Variants in SRPK2 observed in about 807,000 individuals in gnomAD.
The protein encoded by SRPK2 is SFRS protein kinase 2.
Under a neutral mutation model 90.8 loss-of-function variants are expected in SRPK2, and 21 were observed. The ratio of observed to expected loss-of-function variants is 0.23; its 90% CI spans 0.16 to 0.33. The LOEUF (loss-of-function observed/expected upper bound fraction) is 0.33, where lower values mean the gene tolerates loss of function less well. SRPK2 is among the 10% of genes least tolerant of loss of function. SRPK2 has a pLI of 1.00. For synonymous variants in SRPK2, 288 were observed against 311.1 expected, an observed-to-expected ratio of 0.93 and a Z score of 0.78; for missense variants, 620 against 869.0, an observed-to-expected ratio of 0.71 and a Z score of 3.60.
intron 2 of SRPK2, among the ~76,000 whole-genome samples, chr7:105,289,656 C>T (rs1808687533): frequency 6.6e-6 from 1 of 152,212 alleles, no homozygotes; most frequent in Non-Finnish European, 1.5e-5. Flanking sequence ...ACCCAACATT[C>T]AGACTTTCTC....
At chr7:105,274,111 C>T (rs541276163) in intron 2 of SRPK2, among the ~76,000 whole-genome samples, 1 of 152,276 alleles carries the variant, frequency 6.6e-6, no homozygotes, top group African/African-American at 2.4e-5. Context: ...AAAACCCACC[C>T]AATAGTCCCA....
At chr7:105,360,840 G>A (rs920719938) in intron 2 of SRPK2, among the ~76,000 whole-genome samples, 2 of 151,984 alleles carry the variant, frequency 1.3e-5, no homozygotes, top group African/African-American at 4.8e-5. Context: ...AATAGTAAGA[G>A]CTATTTATGA....
At chr7:105,184,116 C>G (rs756857049) in intron 3 of SRPK2, among the ~76,000 whole-genome samples, 9 of 151,132 alleles carry the variant, frequency 6.0e-5, no homozygotes, top group Non-Finnish European at 8.8e-5. Flanking sequence ...GCTGGGAGTA[C>G]AGGAATGTGC....
chr7:105,140,505 G>A (rs1440023514), intron 11 of SRPK2, among the ~76,000 whole-genome samples: 1 of 151,822 alleles, frequency 6.6e-6, no homozygotes, highest in African/African-American at 2.4e-5. Context: ...GGAGACTGAG[G>A]CAGGAGAATT....
At chr7:105,248,284 G>C (rs565738629) in intron 2 of SRPK2, among the ~76,000 whole-genome samples, 1 of 152,100 alleles carries the variant, frequency 6.6e-6, no homozygotes, top group African/African-American at 2.4e-5. Context: ...AAATCACACA[G>C]TTCTCTTCAG....
At chr7:105,303,765 G>A (rs927872476) in intron 2 of SRPK2, among the ~76,000 whole-genome samples, 1 of 152,088 alleles carries the variant, frequency 6.6e-6, no homozygotes, top group African/African-American at 2.4e-5. Context: ...TGATGTCAAA[G>A]TAATAACTCA....
At chr7:105,332,687 C>T (rs1814570840) in intron 2 of SRPK2, 1 of 151,928 alleles carries the variant, frequency 6.6e-6, no homozygotes, top group Non-Finnish European at 1.5e-5. Context: ...ACAGCTTGAA[C>T]CTGGGAGGTG....
chr7:105,395,182 A>T (rs1822288714), intron 1 of SRPK2, among the ~76,000 whole-genome samples: 1 of 152,020 alleles, frequency 6.6e-6, no homozygotes, highest in African/African-American at 2.4e-5. Context: ...CAAAAACAAA[A>T]CAAAACAAAA....
chr7:105,314,334 A>G (rs1812070277), intron 2 of SRPK2, among the ~76,000 whole-genome samples: 1 of 151,974 alleles, frequency 6.6e-6, no homozygotes, highest in South Asian at 2.1e-4. Context: ...CCTGTCTTGA[A>G]AAATAAACTG....
intron 2 of SRPK2, among the ~76,000 whole-genome samples, chr7:105,263,727 T>A: frequency 6.6e-6 from 1 of 152,066 alleles, no homozygotes; most frequent in Middle Eastern, 3.2e-3. Flanking sequence ...CAAAGATTTC[T>A]TAGGCACAAC....
chr7:105,170,627 G>C (rs1790693967), intron 3 of SRPK2, among the ~76,000 whole-genome samples: 1 of 151,364 alleles, frequency 6.6e-6, no homozygotes. Context: ...CCAGGAAGCA[G>C]AGGTTACAGT....
intron 13 of SRPK2, among the ~76,000 whole-genome samples, chr7:105,130,053 G>A (rs775192656): frequency 1.3e-5 from 2 of 152,098 alleles, no homozygotes; most frequent in African/African-American, 2.4e-5. Context: ...TACTTACACT[G>A]GAAGGTGTAA....
At chr7:105,163,404 C>T (rs1315395559) in intron 6 of SRPK2, among the ~76,000 whole-genome samples, 1 of 152,048 alleles carries the variant, frequency 6.6e-6, no homozygotes, top group East Asian at 1.9e-4. Flanking sequence ...GCAAATAAAT[C>T]GGCAGTTTAC....
At chr7:105,129,345 A>G (rs1801662449) in intron 13 of SRPK2, among the ~76,000 whole-genome samples, 1 of 152,142 alleles carries the variant, frequency 6.6e-6, no homozygotes, top group Non-Finnish European at 1.5e-5. Context: ...CATGTACAAC[A>G]GGGCAAATGC....
intron 2 of SRPK2, among the ~76,000 whole-genome samples, chr7:105,267,751 T>C (rs1805291818): frequency 1.3e-5 from 2 of 152,194 alleles, no homozygotes; most frequent in Admixed American, 6.5e-5. Flanking sequence ...CATTTTACCA[T>C]GGTAGGTTCT....
chr7:105,159,466 A>AAAAAAAAAAAAAAAAAAAC lies in SRPK2; in HGVS notation c.621+1040_621+1041insGTTTTTTTTTTTTTTTTTT, dbSNP rs1316365933. Among the ~76,000 whole-genome samples, 112 of 114,288 alleles carry AAAAAAAAAAAAAAAAAAAC rather than the reference A, an allele frequency of 9.8e-4. 1 individual carries two copies. The highest frequency in any genetic ancestry group is 1.4e-3 in the Non-Finnish European group (78 of 54,494). The allele number at this position is 114,288 out of a possible 152,430, so 75.0% of individuals were successfully genotyped here. On this transcript the variant is annotated intron_variant, in intron 7 of 15. Coordinates refer to ENST00000393651, the MANE Select transcript of SRPK2 (RefSeq NM_182692.3). ...CCGTCTCCAAAAAAAAAAAAAAAAA[A>AAAAAAAAAAAAAAAAAAAC]AAAAAAACCGTACAAAAGGAAGAAG...
downstream of SRPK2, among the ~76,000 whole-genome samples, chr7:105,115,929 A>T (rs180757141): frequency 7.2e-5 from 11 of 152,284 alleles, no homozygotes; most frequent in African/African-American, 2.4e-4. Flanking sequence ...TCTATCACAG[A>T]ATTTACATGG....
At chr7:105,360,706 T>C (rs1391715283) in intron 2 of SRPK2, among the ~76,000 whole-genome samples, 1 of 152,240 alleles carries the variant, frequency 6.6e-6, no homozygotes, top group Non-Finnish European at 1.5e-5. Flanking sequence ...CACTGTCTTC[T>C]GACTTGTAGG....
Position 105,146,560 on chromosome 7 carries a change from C to G in SRPK2, c.720G>C (p.Val240=), listed in dbSNP as rs754196305. 1 of 1,614,214 alleles carries G rather than the reference C, an allele frequency of 6.2e-7. No homozygotes were observed. Among genetic ancestry groups the G allele is most frequent in the East Asian group, 2.2e-5 (1 of 44,878 alleles). The change falls in exon 8 of 16, where the codon GTG becomes GTC. Residue 240 remains valine (V), a synonymous_variant. Coordinates refer to ENST00000393651, the MANE Select transcript of SRPK2 (RefSeq NM_182692.3). The part of the protein sequence containing the change: ...NILMCVDDAY[V]RRMAAEATEW... ...CAGTGGCCTCAGCTGCCATTCTTCTCACATATGCATCATCCACACACATCA... is the reference window on the plus strand; with the variant it reads ...CAGTGGCCTCAGCTGCCATTCTTCTGACATATGCATCATCCACACACATCA...
Sources: gnomAD v4.1 joint callset for allele counts (sites outside exome capture counted in the v4.1 genomes callset) on GRCh38, gnomAD v4.1.1 for gene constraint, MANE v1.5 for transcripts, NCBI Gene and HGNC (gene_info 2026-07-23, HGNC 2026-07-21) for gene names.